FANCM: variants seen among roughly 807,000 people sequenced by gnomAD.
FANCM encodes Fanconi anemia group M protein.
In FANCM, 140 loss-of-function variants were observed where a neutral mutation model predicts 199.5. The ratio of observed to expected loss-of-function variants is 0.70; its 90% confidence interval spans 0.61 to 0.81. The LOEUF (loss-of-function observed/expected upper bound fraction) is 0.81, where lower values mean the gene tolerates loss of function less well. Among genes scored for constraint, FANCM ranks in the 30% least tolerant of loss-of-function variants. FANCM has a pLI of 0.00. For missense variants in FANCM, 2,410 were observed against 2,421.4 expected (o/e 1.00, Z 0.10); for synonymous variants, 840 against 836.8 (o/e 1.00, Z -0.07).
At chr14:45,185,415 T>C (rs1323766619) in intron 18 of FANCM, 42 bp downstream of exon 18, 7 of 1,138,290 alleles carry the variant, frequency 6.1e-6, no homozygotes, top group South Asian at 2.9e-5. Context: ...TCAATGTTTT[T>C]ATGTGCTTAT....
At position 45,176,617 on chromosome 14, in the gene FANCM, A is replaced by G. The variant is rs116519044; in HGVS notation, c.3863A>G (p.Asn1288Ser). The G allele has an allele frequency of 1.7e-3, 2,669 of 1,609,998 alleles. 37 individuals carry two copies. The African/African-American group carries it at 0.031, about 18-fold the overall frequency. ...QALIPRDHSK[N>S]FTSGTVIIPS... ...CTAATACCAAGAGATCATAGTAAAA[A>G]TTTTACTAGTGGAACTGTTATTATC... Residue 1288 changes from asparagine to serine, a missense_variant, in exon 14 of 23, where the codon AAT (asparagine) becomes AGT (serine). By Grantham distance (46) the Asn-to-Ser change is conservative. Coordinates refer to ENST00000267430, the MANE Select transcript of FANCM (RefSeq NM_020937.4).
chr14:45,192,970 C>G (rs576660454), intron 20 of FANCM, among the ~76,000 whole-genome samples: 3 of 152,326 alleles, frequency 2.0e-5, no homozygotes, highest in South Asian at 4.1e-4. Context: ...TCTTCACACA[C>G]TCATCAGGCG....
At chr14:45,187,555 G>A (rs1889484369) in intron 18 of FANCM, among the ~76,000 whole-genome samples, 1 of 152,084 alleles carries the variant, frequency 6.6e-6, no homozygotes, top group Non-Finnish European at 1.5e-5. Flanking sequence ...GGGAACTTAA[G>A]TTGTCCATGA....
At chr14:45,144,524 A>G (rs917336572) in intron 3 of FANCM, among the ~76,000 whole-genome samples, 1 of 152,182 alleles carries the variant, frequency 6.6e-6, no homozygotes, top group African/African-American at 2.4e-5. Flanking sequence ...CTTGTGCTCT[A>G]TACTACTGCA....
intron 1 of FANCM, 150 bp from the exon 2 acceptor site, chr14:45,136,919 A>G: frequency 1.4e-6 from 1 of 712,732 alleles, no homozygotes; most frequent in South Asian, 1.6e-5. Context: ...ACCACACCAG[A>G]ACTTTAAAAT....
At chr14:45,161,729 A>G (rs1168952255) in intron 9 of FANCM, among the ~76,000 whole-genome samples, 2 of 152,110 alleles carry the variant, frequency 1.3e-5, no homozygotes, top group Non-Finnish European at 2.9e-5. Context: ...GTGAGCCAAG[A>G]TCACACCACT....
At chr14:45,179,412 C>T (rs927244150) in intron 14 of FANCM, among the ~76,000 whole-genome samples, 8 of 151,898 alleles carry the variant, frequency 5.3e-5, no homozygotes, top group Non-Finnish European at 8.8e-5. Flanking sequence ...CAGGAGAGGC[C>T]GGGAGTTTTC....
intron 11 of FANCM, among the ~76,000 whole-genome samples, chr14:45,167,714 C>G (rs1464009024): frequency 2.6e-5 from 4 of 152,068 alleles, no homozygotes; most frequent in Non-Finnish European, 5.9e-5. Flanking sequence ...GATATTTGCA[C>G]TATGAAAGTG....
chr14:45,175,968 GATA>G lies in FANCM; in HGVS notation c.3218_3220del (p.Asn1073del), dbSNP rs1405287375. The G allele has an allele frequency of 1.2e-6, 2 of 1,613,446 alleles. No homozygotes were observed. The highest frequency in any genetic ancestry group is 2.2e-5 in the South Asian group (2 of 91,044). ...AAGTTGCCTTTATGATATACCTAAT[GATA>G]ATATTTCTGATGAGCCAAGTCTCTG... On this transcript the variant is annotated inframe_deletion, in exon 14 of 23. Coordinates refer to ENST00000267430, the MANE Select transcript of FANCM (RefSeq NM_020937.4).
intron 1 of FANCM, 46 bp from the exon 2 acceptor site, chr14:45,137,023 A>G (rs756581728): frequency 1.5e-6 from 2 of 1,379,006 alleles, no homozygotes; most frequent in Admixed American, 1.7e-5. Context: ...TATTTTATAG[A>G]TAACAGTCTG....
chr14:45,179,840 G>GT (rs1368954264), intron 14 of FANCM, among the ~76,000 whole-genome samples: 4 of 152,124 alleles, frequency 2.6e-5, no homozygotes, highest in Non-Finnish European at 4.4e-5. Context: ...GATTACAGGT[G>GT]TGAGCCACCA....
rs1233491198 is a variant in FANCM, at chr14:45,136,276, T to G, written c.245T>G (p.Leu82Arg). Reference protein sequence around the residue: ...NGGFCTSAGALWIYPTNCPVR... With the variant: ...NGGFCTSAGARWIYPTNCPVR... ...GGGTTCTGCACCTCCGCGGGCGCCCTGTGGATTTACCCTACCAATTGCCCA... is the reference window on the plus strand; with the variant it reads ...GGGTTCTGCACCTCCGCGGGCGCCCGGTGGATTTACCCTACCAATTGCCCA... Residue 82 changes from leucine (L) to arginine (R), a missense_variant, in exon 1 of 23, where the codon CTG becomes CGG. Leu to Arg is a moderately radical substitution (Grantham distance 102). Transcript: ENST00000267430. 6.2e-7 allele frequency: 1 copy of G among 1,614,012 alleles called. No homozygotes were observed. Among genetic ancestry groups the G allele is most frequent in the Admixed American group, 1.7e-5 (1 of 59,990 alleles).
chr14:45,185,273 A>G lies in FANCM; in HGVS notation c.4572A>G (p.Glu1524=). The change falls in exon 18 of 23, where the codon GAA becomes GAG. Residue 1524 remains glutamate, a synonymous_variant. Coordinates refer to ENST00000267430, the MANE Select transcript of FANCM (RefSeq NM_020937.4). ...CAGAACTTTCTGAAGAAGATGCAGA[A>G]TATGTTTCATCAGATGAAAATGATG... ...DEAELSEEDA[E]YVSSDENDES... 4.4e-6 allele frequency: 7 copies of G among 1,603,628 alleles called. No individual in the cohort carries two copies. The highest frequency in any genetic ancestry group is 6.0e-6 in the Non-Finnish European group (7 of 1,171,562).
intron 9 of FANCM, 129 bp downstream of exon 9, chr14:45,159,409 A>G (rs1887427612): frequency 1.6e-6 from 1 of 640,690 alleles, no homozygotes; most frequent in Admixed American, 3.1e-5. Flanking sequence ...ACGTGTAGGT[A>G]AAAATAAGCA....
Position 45,176,267 on chromosome 14 carries a change from T to C in FANCM, c.3513T>C (p.Pro1171=), listed in dbSNP as rs771150480. 1.4e-5 allele frequency: 22 copies of C among 1,613,970 alleles called. No individual in the cohort carries two copies. Among genetic ancestry groups the C allele is most frequent in the Non-Finnish European group, 1.9e-5 (22 of 1,179,938 alleles). The change falls in exon 14 of 23, where the codon CCT becomes CCC. Residue 1171 remains proline (P), a synonymous_variant. Coordinates refer to ENST00000267430, the MANE Select transcript of FANCM (RefSeq NM_020937.4). Reference sequence around the variant, plus strand: ...ACAAAACTGCTATTAGTGAAACGCCTCTGGTCTCTCAGTTCTTAATTTCTG... The same window carrying C: ...ACAAAACTGCTATTAGTGAAACGCCCCTGGTCTCTCAGTTCTTAATTTCTG... ...VSDKTAISET[P]LVSQFLISDE...
intron 10 of FANCM, among the ~76,000 whole-genome samples, chr14:45,166,587 C>G (rs1482279374): frequency 6.6e-6 from 1 of 152,002 alleles, no homozygotes; most frequent in Non-Finnish European, 1.5e-5. Context: ...CAAGACTAGC[C>G]TGGGCAACAC....
intron 17 of FANCM, 76 bp from the exon 18 acceptor site, chr14:45,185,141 C>T: frequency 9.8e-7 from 1 of 1,020,980 alleles, no homozygotes; most frequent in Non-Finnish European, 1.5e-6. Flanking sequence ...AATCAGTTTT[C>T]CAGAATTATT....
intron 16 of FANCM, 67 bp from the exon 17 acceptor site, chr14:45,183,707 A>C (rs1361111952): frequency 9.0e-7 from 1 of 1,108,230 alleles, no homozygotes; most frequent in Non-Finnish European, 1.4e-6. Flanking sequence ...GAGTTGTAAG[A>C]GCAATTTTAC....
In FANCM at chr14:45,173,146, A is replaced by T; in HGVS notation, c.2252A>T (p.His751Leu). The change falls in exon 13 of 23, where the codon CAC (histidine) becomes CTC (leucine). Residue 751 changes from histidine (H) to leucine (L), a missense_variant. His to Leu is a moderately conservative substitution (Grantham distance 99, BLOSUM62 -3). Transcript: ENST00000267430. The stretch of plus-strand genomic sequence containing the variant: ...CCTTTGCCTACACATCAAGTTGATC[A>T]CTCAGATCGATGCCGCCATTTTATA... Reference protein sequence around the residue: ...DHPLPTHQVDHSDRCRHFIGL... With the variant: ...DHPLPTHQVDLSDRCRHFIGL... 1 of 1,613,350 alleles carries T rather than the reference A, an allele frequency of 6.2e-7. No individual in the cohort carries two copies. Among genetic ancestry groups the T allele is most frequent in the East Asian group, 2.2e-5 (1 of 44,828 alleles).
Sources: gnomAD v4.1 joint callset for allele counts (sites outside exome capture counted in the v4.1 genomes callset) on GRCh38, gnomAD v4.1.1 for gene constraint, MANE v1.5 for transcripts, NCBI Gene and HGNC (gene_info 2026-07-23, HGNC 2026-07-21) for gene names.